Variants in CLYBL observed in about 807,000 individuals in gnomAD.
CLYBL encodes the protein citramalyl-CoA lyase, mitochondrial.
Under a neutral mutation model 38.9 loss-of-function variants are expected in CLYBL, and 31 were observed. That is an observed-to-expected ratio of 0.80 (90% CI 0.60 to 1.08). The LOEUF (loss-of-function observed/expected upper bound fraction) is 1.08, where lower values mean the gene tolerates loss of function less well. CLYBL is among the 50% of genes least tolerant of loss of function. CLYBL has a pLI of 0.00. For missense variants in CLYBL, 434 were observed against 411.6 expected (o/e 1.05, Z -0.47); for synonymous variants, 171 against 158.6 (o/e 1.08, Z -0.59).
At chr13:99,676,070 G>C (rs2047639459) in intron 1 of CLYBL, among the ~76,000 whole-genome samples, 1 of 152,102 alleles carries the variant, frequency 6.6e-6, no homozygotes, top group Non-Finnish European at 1.5e-5. Flanking sequence ...TGGCCATGCT[G>C]GTCTCGAACT....
chr13:99,784,280 A>G (rs1319253735), intron 2 of CLYBL, among the ~76,000 whole-genome samples: 1 of 152,078 alleles, frequency 6.6e-6, no homozygotes, highest in Non-Finnish European at 1.5e-5. Context: ...GATATTACTA[A>G]TGTGGGAGTC....
At chr13:99,614,364 C>T (rs1385881220) in intron 1 of CLYBL, among the ~76,000 whole-genome samples, 1 of 152,056 alleles carries the variant, frequency 6.6e-6, no homozygotes, top group African/African-American at 2.4e-5. Context: ...CCTGCGGAAG[C>T]GGCAATACCA....
chr13:99,693,673 G>GT (rs1224063889), intron 1 of CLYBL, among the ~76,000 whole-genome samples: 2 of 152,076 alleles, frequency 1.3e-5, no homozygotes, highest in African/African-American at 4.8e-5. Flanking sequence ...CACACTCCCT[G>GT]TTTGACATGG....
At chr13:99,862,053 T>A (rs2051616347) in intron 3 of CLYBL, among the ~76,000 whole-genome samples, 1 of 152,176 alleles carries the variant, frequency 6.6e-6, no homozygotes, top group Non-Finnish European at 1.5e-5. Flanking sequence ...TGGTTTATAT[T>A]TATGCAAATC....
chr13:99,712,414 G>A (rs764973009), intron 1 of CLYBL, among the ~76,000 whole-genome samples: 54 of 144,912 alleles, frequency 3.7e-4, no homozygotes, highest in Non-Finnish European at 6.6e-4. Flanking sequence ...GGTTCACTGT[G>A]ACCTCTGCCT....
intron 2 of CLYBL, among the ~76,000 whole-genome samples, chr13:99,855,386 G>T (rs1383439276): frequency 1.3e-5 from 2 of 152,108 alleles, no homozygotes; most frequent in African/African-American, 4.8e-5. Flanking sequence ...GTCGTAGCAG[G>T]TCACCCTGAG....
chr13:99,680,454 A>G (rs2027442), intron 1 of CLYBL, among the ~76,000 whole-genome samples: 15,368 of 152,250 alleles, frequency 0.1, 838 homozygotes, highest in East Asian at 0.15. Flanking sequence ...GAAATAAAAG[A>G]ATGATATCTA....
chr13:99,608,136 A>G (rs1594079720), intron 1 of CLYBL, among the ~76,000 whole-genome samples: 2 of 132,654 alleles, frequency 1.5e-5, no homozygotes, highest in African/African-American at 5.9e-5. Flanking sequence ...CAATGGCGCC[A>G]TCTCAGCTGA....
intron 1 of CLYBL, among the ~76,000 whole-genome samples, chr13:99,608,322 C>T (rs569442146): frequency 6.7e-6 from 1 of 149,444 alleles, no homozygotes; most frequent in African/African-American, 2.5e-5. Flanking sequence ...ATCCACCTGC[C>T]TCGGCCTCCC....
chr13:99,619,454 C>G (rs983063005), intron 1 of CLYBL, among the ~76,000 whole-genome samples: 1 of 152,220 alleles, frequency 6.6e-6, no homozygotes, highest in Non-Finnish European at 1.5e-5. Flanking sequence ...AAAATAGCAG[C>G]ATAAACAGAC....
intron 2 of CLYBL, among the ~76,000 whole-genome samples, chr13:99,780,143 A>G (rs1014177826): frequency 2.0e-5 from 3 of 152,160 alleles, no homozygotes; most frequent in Non-Finnish European, 4.4e-5. Context: ...CACATTTAGA[A>G]TTACTACATA....
At chr13:99,844,945 T>C (rs1275485335) in intron 2 of CLYBL, among the ~76,000 whole-genome samples, 1 of 152,206 alleles carries the variant, frequency 6.6e-6, no homozygotes, top group Non-Finnish European at 1.5e-5. Context: ...TTCCATCCTC[T>C]TTTTATGTTT....
chr13:99,752,304 T>G (rs1265302879), intron 1 of CLYBL, among the ~76,000 whole-genome samples: 1 of 152,108 alleles, frequency 6.6e-6, no homozygotes, highest in Non-Finnish European at 1.5e-5. Flanking sequence ...CAGCCTAGCT[T>G]GGAGTCCATT....
At chr13:99,747,060 A>G (rs994579153) in intron 1 of CLYBL, among the ~76,000 whole-genome samples, 9 of 152,178 alleles carry the variant, frequency 5.9e-5, no homozygotes, top group Non-Finnish European at 1.3e-4. Context: ...TTTCCGTCAG[A>G]TAAAACCTCT....
At chr13:99,668,235 C>T (rs2047511239) in intron 1 of CLYBL, among the ~76,000 whole-genome samples, 2 of 150,418 alleles carry the variant, frequency 1.3e-5, no homozygotes, top group Non-Finnish European at 2.9e-5. Flanking sequence ...GATCATGCCA[C>T]TGCACTCCAG....
chr13:99,683,044 T>C (rs2047760583), intron 1 of CLYBL, among the ~76,000 whole-genome samples: 1 of 150,380 alleles, frequency 6.6e-6, no homozygotes, highest in South Asian at 2.1e-4. Flanking sequence ...GGCCCAACTT[T>C]TTACTTTATA....
intron 2 of CLYBL, among the ~76,000 whole-genome samples, chr13:99,802,515 G>A (rs931819641): frequency 2.0e-5 from 3 of 152,140 alleles, no homozygotes; most frequent in South Asian, 2.1e-4. Flanking sequence ...TGGGAAAGGG[G>A]GGAGCTATAA....
At chr13:99,690,778 G>A (rs139529277) in intron 1 of CLYBL, 2 of 152,080 alleles carry the variant, frequency 1.3e-5, no homozygotes, top group Admixed American at 6.5e-5. Flanking sequence ...CAATTCAACC[G>A]GGGAGATCCC....
chr13:99,765,849 C>CT (rs143574260), intron 1 of CLYBL, among the ~76,000 whole-genome samples: 1,487 of 126,154 alleles, frequency 0.012, 19 homozygotes, highest in East Asian at 0.077. Flanking sequence ...CAAGTCGAGT[C>CT]TTTTTTTTTT....
Sources: gnomAD v4.1 joint callset for allele counts (sites outside exome capture counted in the v4.1 genomes callset) on GRCh38, gnomAD v4.1.1 for gene constraint, MANE v1.5 for transcripts, NCBI Gene and HGNC (gene_info 2026-07-23, HGNC 2026-07-21) for gene names.